The following TEKT5 variants were observed in gnomAD, a reference collection of about 807,000 sequenced individuals.
The protein encoded by TEKT5 is tektin 5, also known as tektin-5.
Under a neutral mutation model 48.7 loss-of-function variants are expected in TEKT5, and 52 were observed. That is an observed-to-expected ratio of 1.07 (90% CI 0.86 to 1.35). The LOEUF is 1.35. Among genes scored for constraint, TEKT5 ranks in the 40% most tolerant of loss-of-function variants. The pLI is 0.00. For synonymous variants in TEKT5, 318 were observed against 267.6 expected, an observed-to-expected ratio of 1.19 and a Z score of -1.84; for missense variants, 831 against 641.6, an observed-to-expected ratio of 1.30 and a Z score of -3.19.
intron 1 of TEKT5, among the ~76,000 whole-genome samples, chr16:10,694,091 G>C (rs560902319): frequency 3.9e-5 from 6 of 152,300 alleles, no homozygotes; most frequent in African/African-American, 1.2e-4. Context: ...CTTTGATGTA[G>C]CTTCAAGGAG....
rs753125702 is a variant in TEKT5, at chr16:10,654,016, A to ATG, written c.1087-18100_1087-18099dup. 5.9e-3 allele frequency among the ~76,000 whole-genome samples: 801 copies of ATG among 136,004 alleles called. 3 individuals carry two copies. Among genetic ancestry groups the ATG allele is most frequent in the Middle Eastern group, 0.021 (6 of 286 alleles). 89.2% of individuals were successfully genotyped at this position (136,004 alleles called of 152,430 possible). On this transcript the variant is annotated intron_variant, in intron 5 of 6. Transcript: ENST00000283025. ...TGTGTGAACGTGTGTGTGTGTGTGC[A>ATG]TGTGTGTGTGTGTGCACATGTGTGT...
intron 5 of TEKT5, among the ~76,000 whole-genome samples, chr16:10,670,547 C>A (rs780612928): frequency 1.3e-5 from 2 of 152,166 alleles, no homozygotes; most frequent in Non-Finnish European, 2.9e-5. Flanking sequence ...TTCAAATCCT[C>A]TAGCCAAAGT....
chr16:10,659,589 C>G (rs368467868), intron 5 of TEKT5, among the ~76,000 whole-genome samples: 2 of 152,118 alleles, frequency 1.3e-5, no homozygotes, highest in African/African-American at 4.8e-5. Flanking sequence ...CCATGTTAGC[C>G]TGACCTCGTG....
chr16:10,690,810 T>A, intron 1 of TEKT5: 1 of 984,262 alleles, frequency 1.0e-6, no homozygotes, highest in Non-Finnish European at 1.2e-6. Flanking sequence ...CAGCCCGTGA[T>A]GTCACAAAGG....
intron 5 of TEKT5, among the ~76,000 whole-genome samples, chr16:10,645,458 G>A (rs577534879): frequency 5.3e-5 from 8 of 152,234 alleles, no homozygotes; most frequent in Non-Finnish European, 1.0e-4. Context: ...GCTGCAGTGA[G>A]CCGTGATGCA....
chr16:10,632,852 C>T (rs2142256067), intron 6 of TEKT5, among the ~76,000 whole-genome samples: 1 of 143,682 alleles, frequency 7.0e-6, no homozygotes, highest in Admixed American at 6.9e-5. Context: ...AACCAAAACA[C>T]AACATACACA....
chr16:10,686,235 G>C (rs1898859935), intron 3 of TEKT5, among the ~76,000 whole-genome samples: 1 of 152,168 alleles, frequency 6.6e-6, no homozygotes, highest in Non-Finnish European at 1.5e-5. Context: ...CAAGTGGAAA[G>C]GTACATGCCG....
At chr16:10,681,917 C>T (rs1898760092) in intron 4 of TEKT5, 76 bp downstream of exon 4, 9 of 1,557,858 alleles carry the variant, frequency 5.8e-6, no homozygotes, top group Middle Eastern at 1.7e-4. Context: ...TGCCCCTTCG[C>T]CATTCGTTGG....
At chr16:10,651,758 G>A (rs7200692) in intron 5 of TEKT5, among the ~76,000 whole-genome samples, 38,529 of 151,932 alleles carry the variant, frequency 0.25, 5,250 homozygotes, top group Middle Eastern at 0.39. Flanking sequence ...TCAGGGGTTC[G>A]AGACCAGCCT....
chr16:10,664,588 T>G (rs765474880), intron 5 of TEKT5, among the ~76,000 whole-genome samples: 2 of 152,242 alleles, frequency 1.3e-5, no homozygotes, highest in Non-Finnish European at 2.9e-5. Context: ...CCTGGCCAAT[T>G]AAATCAGAAT....
chr16:10,681,870 G>T, intron 4 of TEKT5, 123 bp downstream of exon 4: 1 of 1,323,760 alleles, frequency 7.6e-7, no homozygotes, highest in Non-Finnish European at 1.1e-6. Flanking sequence ...GAGGATCCCC[G>T]TTCAACCATG....
rs2719727 is a variant in TEKT5 at position 10,687,018 on chromosome 16, T to C, written c.719+2235A>G. Among the ~76,000 whole-genome samples, 279 of 152,294 alleles carry C rather than the reference T, an allele frequency of 1.8e-3. 1 individual carries two copies. Among genetic ancestry groups the C allele is most frequent in the African/African-American group, 6.5e-3 (270 of 41,548 alleles). On this transcript the variant is annotated intron_variant, in intron 3 of 6. Coordinates refer to ENST00000283025, the MANE Select transcript of TEKT5 (RefSeq NM_144674.2). Reference sequence around the variant, plus strand: ...CAAATATCTCATGATCACACATGTATGTGGAATCTAAAACAAGCGAACAAA... The same window carrying C: ...CAAATATCTCATGATCACACATGTACGTGGAATCTAAAACAAGCGAACAAA...
chr16:10,637,060 C>G (rs1450776790), intron 5 of TEKT5, among the ~76,000 whole-genome samples: 2 of 150,732 alleles, frequency 1.3e-5, no homozygotes, highest in East Asian at 3.9e-4. Context: ...CGGCTCACTG[C>G]AAACTCCGCC....
At position 10,682,155 on chromosome 16, in the gene TEKT5, C is replaced by T; in HGVS notation, c.720-19G>A. 1.2e-6 allele frequency: 2 copies of T among 1,612,462 alleles called. No individual in the cohort carries two copies. Among genetic ancestry groups the T allele is most frequent in the Non-Finnish European group, 1.7e-6 (2 of 1,178,906 alleles). Reference sequence around the variant, plus strand: ...GTTATCCCTGCAGGGAGGGAGGAGTCATTCCTGGACTATGCACCTGCACAG... The same window carrying T: ...GTTATCCCTGCAGGGAGGGAGGAGTTATTCCTGGACTATGCACCTGCACAG... On this transcript the variant is annotated intron_variant, in intron 3 of 6. Coordinates refer to ENST00000283025, the MANE Select transcript of TEKT5 (RefSeq NM_144674.2).
In TEKT5 at chr16:10,683,928, A is replaced by G. The variant is rs139131827; in HGVS notation, c.720-1792T>C. 5.5e-3 allele frequency among the ~76,000 whole-genome samples: 844 copies of G among 152,346 alleles called. 7 individuals carry two copies. Among genetic ancestry groups the G allele is most frequent in the African/African-American group, 0.02 (812 of 41,582 alleles). On this transcript the variant is annotated intron_variant, in intron 3 of 6. Coordinates refer to ENST00000283025, the MANE Select transcript of TEKT5 (RefSeq NM_144674.2). Reference sequence around the variant, plus strand: ...TTAAAAATGTAAATAAATGTATGATAAAAGGAAAATTTACATCCCTGTCTT... The same window carrying G: ...TTAAAAATGTAAATAAATGTATGATGAAAGGAAAATTTACATCCCTGTCTT...
chr16:10,634,353 C>T (rs1349689933), intron 6 of TEKT5, among the ~76,000 whole-genome samples: 1 of 152,144 alleles, frequency 6.6e-6, no homozygotes, highest in African/African-American at 2.4e-5. Flanking sequence ...TCCTTTCAAT[C>T]TTTTTCTCTT....
At chr16:10,682,201 C>G in intron 3 of TEKT5, 65 bp from the exon 4 acceptor site, 1 of 1,568,136 alleles carries the variant, frequency 6.4e-7, no homozygotes, top group Non-Finnish European at 8.7e-7. Flanking sequence ...TTGGGCCACA[C>G]AGCAGGTGTG....
At chr16:10,691,032 G>C (rs573708298) in intron 1 of TEKT5, among the ~76,000 whole-genome samples, 4 of 152,226 alleles carry the variant, frequency 2.6e-5, no homozygotes, top group Non-Finnish European at 4.4e-5. Flanking sequence ...TACTAGGGGA[G>C]AGAACACCCA....
At chr16:10,679,626 G>A (rs1398015328) in intron 4 of TEKT5, among the ~76,000 whole-genome samples, 1 of 152,140 alleles carries the variant, frequency 6.6e-6, no homozygotes, top group Non-Finnish European at 1.5e-5. Context: ...CAGGGGTGGT[G>A]GCTCACACCT....
Sources: gnomAD v4.1 joint callset for allele counts (sites outside exome capture counted in the v4.1 genomes callset) on GRCh38, gnomAD v4.1.1 for gene constraint, MANE v1.5 for transcripts, NCBI Gene and HGNC (gene_info 2026-07-23, HGNC 2026-07-21) for gene names.